Variants in BICD1 observed in about 807,000 individuals in gnomAD.
BICD1 encodes the protein protein bicaudal D homolog 1.
Under a neutral mutation model 92.5 loss-of-function variants are expected in BICD1, and 35 were observed. The observed-to-expected ratio is 0.38, with a 90% CI of 0.29 to 0.50. The LOEUF (loss-of-function observed/expected upper bound fraction) is 0.50. BICD1 is among the 20% of genes least tolerant of loss of function. BICD1 has a pLI of 0.93. For missense variants in BICD1, 950 were observed against 1,189.8 expected, an observed-to-expected ratio of 0.80 and a Z score of 2.97; for synonymous variants, 429 against 465.1, an observed-to-expected ratio of 0.92 and a Z score of 1.00.
chr12:32,226,237 C>T (rs9943720), intron 2 of BICD1, among the ~76,000 whole-genome samples: 284 of 152,120 alleles, frequency 1.9e-3, no homozygotes, highest in African/African-American at 6.6e-3. Context: ...TGGGTTCAAG[C>T]GATTCTCCTG....
chr12:32,163,304 G>A (rs1207116114), intron 1 of BICD1, among the ~76,000 whole-genome samples: 1 of 152,058 alleles, frequency 6.6e-6, no homozygotes, highest in African/African-American at 2.4e-5. Context: ...GGGTACTGAG[G>A]TGGATAGGTA....
intron 1 of BICD1, among the ~76,000 whole-genome samples, chr12:32,174,208 A>G (rs562858616): frequency 2.0e-5 from 3 of 152,290 alleles, no homozygotes; most frequent in African/African-American, 7.2e-5. Context: ...TGATGTCTAC[A>G]GAGTCAGATG....
At chr12:32,150,263 A>G (rs759304204) in intron 1 of BICD1, among the ~76,000 whole-genome samples, 2 of 152,186 alleles carry the variant, frequency 1.3e-5, no homozygotes, top group Non-Finnish European at 2.9e-5. Flanking sequence ...TCTTAATACT[A>G]TCACATTGGA....
Position 32,142,019 on chromosome 12 carries a change from CA to C in BICD1, c.213+34479del, listed in dbSNP as rs763638179. Among the ~76,000 whole-genome samples, 46 of 152,064 alleles carry C rather than the reference CA, an allele frequency of 3.0e-4. 1 individual carries two copies. The highest frequency in any genetic ancestry group is 5.9e-4 in the Admixed American group (9 of 15,260). ...TATCAATGTTTTACATTTTGCTGAA[CA>C]AAACAGGAGAGAGCGGATTCTTTTC... On this transcript the variant is annotated intron_variant, in intron 1 of 9. Transcript: ENST00000652176.
intron 1 of BICD1, among the ~76,000 whole-genome samples, chr12:32,160,872 T>C (rs148505267): frequency 1.6e-3 from 244 of 152,346 alleles, no homozygotes; most frequent in African/African-American, 5.7e-3. Context: ...GTAGATAATA[T>C]TTCAATTGTA....
chr12:32,331,627 C>T (rs3789976), intron 5 of BICD1, among the ~76,000 whole-genome samples: 38,062 of 151,744 alleles, frequency 0.25, 5,804 homozygotes, highest in African/African-American at 0.43. Context: ...TTAATGATTC[C>T]GTGGCTGAAA....
At chr12:32,252,435 G>A (rs1237525770) in intron 2 of BICD1, among the ~76,000 whole-genome samples, 1 of 151,910 alleles carries the variant, frequency 6.6e-6, no homozygotes, top group Non-Finnish European at 1.5e-5. Flanking sequence ...GGAGCAGGTG[G>A]GTGGCATGGG....
chr12:32,309,405 A>G (rs754076944), intron 4 of BICD1, among the ~76,000 whole-genome samples: 18 of 152,180 alleles, frequency 1.2e-4, no homozygotes, highest in Non-Finnish European at 1.9e-4. Context: ...GATTGTAGAA[A>G]GGTAATATGC....
chr12:32,204,457 A>G (rs1220668466), intron 1 of BICD1, among the ~76,000 whole-genome samples: 3 of 152,074 alleles, frequency 2.0e-5, no homozygotes, highest in South Asian at 4.1e-4. Flanking sequence ...ACTGTTTCAC[A>G]CTCTCCGGGG....
In BICD1 at chr12:32,240,479, G is replaced by A. The variant is rs117826035; in HGVS notation, c.426+24020G>A. ...CCTCCATCTTTCAAAGCCAGCAGCC[G>A]TGTAGCATCTTGTTTCAATGTCACG... On this transcript the variant is annotated intron_variant, in intron 2 of 9. Coordinates refer to ENST00000652176, the MANE Select transcript of BICD1 (RefSeq NM_001714.4). 6.9e-4 allele frequency among the ~76,000 whole-genome samples: 105 copies of A among 152,272 alleles called. No individual in the cohort carries two copies. In the East Asian group the frequency reaches 0.019, roughly 27 times the overall value.
intron 2 of BICD1, among the ~76,000 whole-genome samples, chr12:32,272,685 G>A (rs759197476): frequency 3.3e-5 from 5 of 152,194 alleles, no homozygotes; most frequent in Non-Finnish European, 7.3e-5. Context: ...AGTTAGCTGG[G>A]CGTGGTGACG....
intron 1 of BICD1, among the ~76,000 whole-genome samples, chr12:32,208,399 C>A (rs1445747165): frequency 6.6e-6 from 1 of 152,216 alleles, no homozygotes; most frequent in Non-Finnish European, 1.5e-5. Context: ...CTATTATTAT[C>A]CCCATTTTAC....
At chr12:32,162,381 T>C (rs898499461) in intron 1 of BICD1, among the ~76,000 whole-genome samples, 4 of 152,176 alleles carry the variant, frequency 2.6e-5, no homozygotes, top group African/African-American at 9.7e-5. Context: ...CGAAGATTTT[T>C]CAGTGCCAAA....
intron 9 of BICD1, among the ~76,000 whole-genome samples, chr12:32,375,455 A>T: frequency 6.6e-6 from 1 of 152,122 alleles, no homozygotes; most frequent in East Asian, 1.9e-4. Flanking sequence ...GCTTGAACCC[A>T]GGAGGCAGAG....
intron 4 of BICD1, among the ~76,000 whole-genome samples, chr12:32,310,501 C>T (rs1948344115): frequency 6.6e-6 from 1 of 152,090 alleles, no homozygotes; most frequent in African/African-American, 2.4e-5. Flanking sequence ...TGGATGCCAT[C>T]AAGGAGGTCT....
chr12:32,303,234 G>A (rs1385817846), intron 3 of BICD1, among the ~76,000 whole-genome samples: 1 of 151,572 alleles, frequency 6.6e-6, no homozygotes, highest in East Asian at 1.9e-4. Flanking sequence ...GAGCCACCGT[G>A]CCCAGTCCTC....
chr12:32,208,087 C>G (rs1350794358), intron 1 of BICD1, among the ~76,000 whole-genome samples: 1 of 152,218 alleles, frequency 6.6e-6, no homozygotes, highest in Non-Finnish European at 1.5e-5. Context: ...TATCTCTTAT[C>G]TGATATCCTT....
intron 4 of BICD1, among the ~76,000 whole-genome samples, chr12:32,320,788 T>A (rs934530627): frequency 3.3e-5 from 5 of 152,182 alleles, no homozygotes; most frequent in Non-Finnish European, 7.3e-5. Flanking sequence ...GAAGTCAGGT[T>A]TTCTGGCAAA....
intron 2 of BICD1, among the ~76,000 whole-genome samples, chr12:32,288,532 G>C (rs1027272451): frequency 1.3e-5 from 2 of 152,078 alleles, no homozygotes; most frequent in Non-Finnish European, 1.5e-5. Flanking sequence ...TTACAGGCAT[G>C]AACCACTGTG....
Sources: allele counts gnomAD v4.1 joint callset (sites outside exome capture counted in the v4.1 genomes callset), GRCh38; gene constraint gnomAD v4.1.1; transcripts MANE v1.5; gene names NCBI Gene and HGNC (gene_info 2026-07-23, HGNC 2026-07-21).